C2CD5: variants seen among roughly 807,000 people sequenced by gnomAD.
The protein encoded by C2CD5 is C2 calcium dependent domain containing 5, also known as C2 domain-containing protein 5.
C2CD5 carries 109 observed loss-of-function variants against 130.3 expected under a neutral mutation model. That is an observed-to-expected ratio of 0.84 (90% CI 0.72 to 0.98). The LOEUF is 0.98. C2CD5 is among the 50% of genes least tolerant of loss of function. The pLI is 0.00. For missense variants in C2CD5, 996 were observed against 1,261.8 expected (o/e 0.79, Z 3.19); for synonymous variants, 454 against 429.2 (o/e 1.06, Z -0.71).
At chr12:22,528,241 G>T (rs552718336) in intron 3 of C2CD5, among the ~76,000 whole-genome samples, 2 of 152,234 alleles carry the variant, frequency 1.3e-5, no homozygotes, top group South Asian at 4.1e-4. Context: ...AGTTCATGTA[G>T]TATCTATAGA....
chr12:22,530,165 T>TATAC (rs1951131922), intron 3 of C2CD5, among the ~76,000 whole-genome samples: 2 of 143,408 alleles, frequency 1.4e-5, no homozygotes, highest in South Asian at 4.3e-4. Context: ...TACACAACTG[T>TATAC]ATACATAACA....
chr12:22,500,301 G>T (rs979759584), intron 10 of C2CD5, among the ~76,000 whole-genome samples: 1 of 151,454 alleles, frequency 6.6e-6, no homozygotes, highest in Admixed American at 6.6e-5. Context: ...TCTGTGGCAA[G>T]CAACGTAGTA....
chr12:22,470,723 A>G, intron 21 of C2CD5, 101 bp downstream of exon 21: 1 of 697,346 alleles, frequency 1.4e-6, no homozygotes, highest in Middle Eastern at 3.2e-4. Context: ...ATATTCTTCA[A>G]GAAATAAGTA....
At chr12:22,512,650 C>T in intron 9 of C2CD5, 1 of 1,487,766 alleles carries the variant, frequency 6.7e-7, no homozygotes, top group Non-Finnish European at 8.9e-7. Flanking sequence ...AACATACCCG[C>T]CTTCTACAGA....
chr12:22,508,016 C>T (rs1054614398), intron 9 of C2CD5, among the ~76,000 whole-genome samples: 7 of 152,022 alleles, frequency 4.6e-5, no homozygotes, highest in Non-Finnish European at 8.8e-5. Context: ...TAAAGAGATA[C>T]AGAATACCAC....
At chr12:22,512,085 G>A (rs543990716) in intron 9 of C2CD5, among the ~76,000 whole-genome samples, 5 of 152,292 alleles carry the variant, frequency 3.3e-5, no homozygotes, top group South Asian at 4.1e-4. Flanking sequence ...TGCAAGGTGC[G>A]AGAGTAGTTG....
At chr12:22,481,585 T>C (rs956910162) in intron 14 of C2CD5, among the ~76,000 whole-genome samples, 5 of 151,720 alleles carry the variant, frequency 3.3e-5, no homozygotes, top group Non-Finnish European at 5.9e-5. Context: ...CAAGCCAAAA[T>C]GAACATTAAG....
At chr12:22,463,612 A>G (rs1017220232) in intron 22 of C2CD5, 6 of 152,208 alleles carry the variant, frequency 3.9e-5, no homozygotes, top group African/African-American at 1.4e-4. Flanking sequence ...CCTGTTCTTT[A>G]TAAATTACAC....
chr12:22,488,288 G>T (rs564655551), intron 12 of C2CD5, among the ~76,000 whole-genome samples: 1 of 152,068 alleles, frequency 6.6e-6, no homozygotes, highest in Non-Finnish European at 1.5e-5. Flanking sequence ...TGACTTCAAG[G>T]CAAGACGTAG....
intron 3 of C2CD5, among the ~76,000 whole-genome samples, chr12:22,533,943 T>C (rs1038417212): frequency 2.5e-4 from 38 of 152,308 alleles, no homozygotes; most frequent in African/African-American, 8.7e-4. Context: ...CCTAGCACTT[T>C]GGGAGGCCAA....
At chr12:22,462,825 A>C (rs866146152) in intron 22 of C2CD5, among the ~76,000 whole-genome samples, 12 of 152,156 alleles carry the variant, frequency 7.9e-5, no homozygotes, top group Non-Finnish European at 1.8e-4. Context: ...AGTGGTTCAC[A>C]CCTGTAATCT....
At chr12:22,469,492 T>C (rs1246617224) in intron 22 of C2CD5, among the ~76,000 whole-genome samples, 1 of 152,136 alleles carries the variant, frequency 6.6e-6, no homozygotes, top group Non-Finnish European at 1.5e-5. Context: ...TAGAATATCA[T>C]AGGAAAAATT....
intron 10 of C2CD5, among the ~76,000 whole-genome samples, chr12:22,496,346 TA>T (rs1947011007): frequency 6.6e-6 from 1 of 152,166 alleles, no homozygotes; most frequent in African/African-American, 2.4e-5. Flanking sequence ...AGAAACACAC[TA>T]ATGAATTGGA....
chr12:22,535,479 G>T, intron 2 of C2CD5, 135 bp from the exon 3 acceptor site: 2 of 606,646 alleles, frequency 3.3e-6, no homozygotes. Context: ...ACAAAGGGAA[G>T]AAGGTACAGA....
chr12:22,526,889 A>G (rs1950767529), intron 4 of C2CD5, among the ~76,000 whole-genome samples: 1 of 152,222 alleles, frequency 6.6e-6, no homozygotes, highest in Non-Finnish European at 1.5e-5. Flanking sequence ...CTAAAATATT[A>G]AGAAAGCAAA....
At chr12:22,494,865 C>T (rs549970260) in intron 10 of C2CD5, among the ~76,000 whole-genome samples, 4 of 152,066 alleles carry the variant, frequency 2.6e-5, no homozygotes, top group Admixed American at 1.3e-4. Flanking sequence ...TATATAGTAA[C>T]AGCAAAAATA....
chr12:22,480,756 G>C (rs1177581726), intron 14 of C2CD5, among the ~76,000 whole-genome samples: 3 of 151,682 alleles, frequency 2.0e-5, no homozygotes, highest in Non-Finnish European at 4.4e-5. Flanking sequence ...TTAGACCACT[G>C]AATTAAAATA....
intron 7 of C2CD5, among the ~76,000 whole-genome samples, chr12:22,521,828 A>C (rs769261378): frequency 8.5e-5 from 13 of 152,198 alleles, no homozygotes; most frequent in Non-Finnish European, 1.8e-4. Flanking sequence ...GCTAACAAAA[A>C]GAATGCACTT....
intron 2 of C2CD5, among the ~76,000 whole-genome samples, chr12:22,541,981 T>C (rs999293129): frequency 3.9e-5 from 6 of 152,138 alleles, no homozygotes; most frequent in African/African-American, 1.2e-4. Flanking sequence ...AAGTAACCCC[T>C]GAATCAGCCC....
Sources: allele counts gnomAD v4.1 joint callset (sites outside exome capture counted in the v4.1 genomes callset), GRCh38; gene constraint gnomAD v4.1.1; transcripts MANE v1.5; gene names NCBI Gene and HGNC (gene_info 2026-07-23, HGNC 2026-07-21).